Variants in RGS7 observed in about 807,000 individuals in gnomAD.
The protein encoded by RGS7 is regulator of G protein signaling 7.
Under a neutral mutation model 81.1 loss-of-function variants are expected in RGS7, and 27 were observed. That is an observed-to-expected ratio of 0.33 (90% confidence interval 0.25 to 0.46). The LOEUF (loss-of-function observed/expected upper bound fraction) is 0.46, where lower values mean the gene tolerates loss of function less well. Among genes scored for constraint, RGS7 ranks in the 20% least tolerant of loss-of-function variants. RGS7 has a pLI of 1.00. For synonymous variants in RGS7, 208 were observed against 207.7 expected (o/e 1.00, Z -0.01); for missense variants, 396 against 607.4 (o/e 0.65, Z 3.66).
chr1:240,846,172 T>C (rs764352917), intron 9 of RGS7, among the ~76,000 whole-genome samples: 5 of 152,192 alleles, frequency 3.3e-5, no homozygotes, highest in Admixed American at 6.5e-5. Flanking sequence ...TGTCTTCTTA[T>C]GGGGAACAGT....
intron 18 of RGS7, among the ~76,000 whole-genome samples, chr1:240,799,909 G>T (rs1012688813): frequency 1.8e-4 from 27 of 152,224 alleles, no homozygotes; most frequent in African/African-American, 6.3e-4. Context: ...TGACCATATG[G>T]TACTATTTTA....
chr1:240,986,773 A>G lies in RGS7; in HGVS notation c.176-3644T>C, dbSNP rs1165110949. On this transcript the variant is annotated intron_variant, in intron 3 of 18. Transcript: ENST00000440928. ...AATTTTTTGTATTTTTAGTAGAGAC[A>G]GGGTTTCACCGTGTTAGCCAGGATG... 1.0e-3 allele frequency among the ~76,000 whole-genome samples: 21 copies of G among 20,948 alleles called. 10 individuals carry two copies. Among genetic ancestry groups the G allele is most frequent in the Admixed American group, 2.9e-3 (6 of 2,052 alleles). The allele number at this position is 20,948 out of a possible 152,430, so 13.7% of individuals were successfully genotyped here. A position where few individuals can be genotyped will look rare whatever the true frequency, so the allele number is the denominator to read the frequency against.
At chr1:240,949,634 G>C (rs1679214943) in intron 4 of RGS7, among the ~76,000 whole-genome samples, 1 of 152,102 alleles carries the variant, frequency 6.6e-6, no homozygotes, top group Non-Finnish European at 1.5e-5. Context: ...GATCACCCGA[G>C]GTCAGGAGTT....
chr1:241,174,955 T>A (rs2071015166), intron 2 of RGS7, among the ~76,000 whole-genome samples: 1 of 130,266 alleles, frequency 7.7e-6, no homozygotes, highest in African/African-American at 3.0e-5. Context: ...TGAGCTGGAG[T>A]GCAGTGGCGC....
intron 18 of RGS7, among the ~76,000 whole-genome samples, chr1:240,788,146 A>G (rs1478150017): frequency 1.3e-5 from 2 of 152,242 alleles, no homozygotes; most frequent in Non-Finnish European, 2.9e-5. Flanking sequence ...AACATTTAAG[A>G]CATCTTTATC....
rs1308356145 is a variant in RGS7 at position 240,868,144 on chromosome 1, A to AAG, written c.609+441_609+442dup. ...AAAGAAAGAAAGAAAGAAAGAAAGAAAGAAAGAAAGAAAGGACGGAGGGAG... is the reference window on the plus strand; with the variant it reads ...AAAGAAAGAAAGAAAGAAAGAAAGAAAGAGAAAGAAAGAAAGGACGGAGGGAG... On this transcript the variant is annotated intron_variant, in intron 9 of 18. Coordinates refer to ENST00000440928, the MANE Select transcript of RGS7 (RefSeq NM_001364886.1). This position sits in a 1 kb window ranked among gnomAD's most constrained non-coding sequence, Gnocchi z 5.1. Among the ~76,000 whole-genome samples, 1 of 118,318 alleles carries AAG rather than the reference A, an allele frequency of 8.5e-6. No homozygotes were observed. Among genetic ancestry groups the AAG allele is most frequent in the East Asian group, 2.0e-4 (1 of 4,926 alleles). 77.6% of individuals were successfully genotyped at this position (118,318 alleles called of 152,430 possible).
intron 3 of RGS7, among the ~76,000 whole-genome samples, chr1:241,068,264 T>C (rs5028842): frequency 0.93 from 92,652 of 99,420 alleles, 43,942 homozygotes; most frequent in Non-Finnish European, 0.99. Flanking sequence ...ATATAAAATA[T>C]TGTGTATATA....
At chr1:240,833,448 T>C (rs1040838844) in intron 9 of RGS7, among the ~76,000 whole-genome samples, 11 of 152,342 alleles carry the variant, frequency 7.2e-5, no homozygotes, top group African/African-American at 1.9e-4. Context: ...GGGGAGCTAC[T>C]GTATTTAGAT....
At chr1:241,246,610 G>A (rs1223289124) in intron 2 of RGS7, among the ~76,000 whole-genome samples, 3 of 152,240 alleles carry the variant, frequency 2.0e-5, no homozygotes, top group East Asian at 3.9e-4. Flanking sequence ...TTTCGATTGA[G>A]TACTATCTAC....
chr1:241,235,670 C>A (rs745975410), intron 2 of RGS7, among the ~76,000 whole-genome samples: 4 of 76,674 alleles, frequency 5.2e-5, no homozygotes, highest in Admixed American at 1.1e-4. Context: ...TTCTCTTTCT[C>A]TCTCTCTTTC....
intron 2 of RGS7, among the ~76,000 whole-genome samples, chr1:241,218,378 T>G (rs2074697558): frequency 6.6e-6 from 1 of 152,200 alleles, no homozygotes; most frequent in South Asian, 2.1e-4. Flanking sequence ...ATTGGGAAGG[T>G]GAGTGCATTT....
intron 3 of RGS7, among the ~76,000 whole-genome samples, chr1:241,055,221 G>A (rs999595894): frequency 2.6e-5 from 4 of 152,140 alleles, no homozygotes; most frequent in East Asian, 1.9e-4. Flanking sequence ...CTATCTACCC[G>A]GTGGTAGCCT....
intron 4 of RGS7, among the ~76,000 whole-genome samples, chr1:240,978,973 T>C (rs1684538138): frequency 6.6e-6 from 1 of 152,088 alleles, no homozygotes; most frequent in Admixed American, 6.6e-5. Context: ...CAGACTTAAA[T>C]CAGTCACCAA....
At chr1:240,913,804 G>A (rs1325642884) in intron 6 of RGS7, among the ~76,000 whole-genome samples, 3 of 149,944 alleles carry the variant, frequency 2.0e-5, no homozygotes, top group African/African-American at 4.9e-5. Flanking sequence ...TTTTTATTTT[G>A]AACAAACTGT....
chr1:241,011,788 T>A (rs566009825), intron 3 of RGS7, among the ~76,000 whole-genome samples: 2 of 152,160 alleles, frequency 1.3e-5, no homozygotes, highest in African/African-American at 4.8e-5. Flanking sequence ...TTACAAAACA[T>A]AGTAATTAAG....
intron 18 of RGS7, among the ~76,000 whole-genome samples, chr1:240,791,955 T>A (rs918416038): frequency 3.3e-5 from 5 of 152,226 alleles, no homozygotes; most frequent in African/African-American, 1.2e-4. Flanking sequence ...GATTGAGAGT[T>A]GACCATCTGC....
chr1:241,181,019 CAATAA>C (rs991309801), intron 2 of RGS7, among the ~76,000 whole-genome samples: 4 of 152,108 alleles, frequency 2.6e-5, no homozygotes, highest in East Asian at 1.9e-4. Context: ...AATATGGAGA[CAATAA>C]AATGATTAGT....
chr1:241,287,728 C>T (rs1007138300), intron 2 of RGS7, among the ~76,000 whole-genome samples: 1 of 146,298 alleles, frequency 6.8e-6, no homozygotes, highest in African/African-American at 2.4e-5. Context: ...ACTTCACACA[C>T]ACACATTCAA....
At chr1:241,302,931 T>A (rs192372239) in intron 2 of RGS7, among the ~76,000 whole-genome samples, 679 of 152,214 alleles carry the variant, frequency 4.5e-3, no homozygotes, top group Non-Finnish European at 7.2e-3. Flanking sequence ...CGGTAGCGGT[T>A]AAATCAGCTC....
Sources: allele counts gnomAD v4.1 joint callset (sites outside exome capture counted in the v4.1 genomes callset), GRCh38; gene constraint gnomAD v4.1.1; non-coding constraint Gnocchi (gnomAD v3.1); transcripts MANE v1.5; gene names NCBI Gene and HGNC (gene_info 2026-07-23, HGNC 2026-07-21).